ZNF618: variants seen among roughly 807,000 people sequenced by gnomAD.
The protein encoded by ZNF618 is neural precursor cell expressed, developmentally down-regulated 10.
ZNF618 carries 34 observed loss-of-function variants against 103.0 expected under a neutral mutation model. The ratio of observed to expected loss-of-function variants is 0.33; its 90% CI spans 0.25 to 0.44. The LOEUF (loss-of-function observed/expected upper bound fraction) is 0.44, where lower values mean the gene tolerates loss of function less well. ZNF618 is among the 20% of genes least tolerant of loss of function. The probability of loss-of-function intolerance (pLI) is 1.00; values close to 1 mark genes in which losing one functional copy is unlikely to be tolerated. For synonymous variants in ZNF618, 551 were observed against 542.2 expected (o/e 1.02, Z -0.23); for missense variants, 1,059 against 1,295.4 (o/e 0.82, Z 2.80).
intron 4 of ZNF618, 78 bp from the exon 5 acceptor site, chr9:114,001,918 G>C: frequency 8.1e-7 from 1 of 1,240,204 alleles, no homozygotes; most frequent in Non-Finnish European, 1.2e-6. Flanking sequence ...AGCCACACTT[G>C]TAGGCATCGC....
chr9:113,931,476 G>A (rs1181092094), intron 1 of ZNF618, among the ~76,000 whole-genome samples: 2 of 152,236 alleles, frequency 1.3e-5, no homozygotes, highest in Admixed American at 1.3e-4. Flanking sequence ...GAGAGATGAG[G>A]CTTGCGACTC....
At chr9:113,914,628 T>C (rs965552966) in intron 1 of ZNF618, among the ~76,000 whole-genome samples, 1 of 152,246 alleles carries the variant, frequency 6.6e-6, no homozygotes, top group African/African-American at 2.4e-5. Flanking sequence ...GGAATCATTC[T>C]ATTTTTAAGC....
intron 1 of ZNF618, among the ~76,000 whole-genome samples, chr9:113,889,824 C>T: frequency 6.6e-6 from 1 of 152,178 alleles, no homozygotes; most frequent in East Asian, 1.9e-4. Flanking sequence ...TCCCAATCAC[C>T]TAACACATTT....
At chr9:113,882,242 T>TC (rs1828596806) in intron 1 of ZNF618, among the ~76,000 whole-genome samples, 1 of 152,184 alleles carries the variant, frequency 6.6e-6, no homozygotes, top group Non-Finnish European at 1.5e-5. Flanking sequence ...GGGTTTGAGG[T>TC]CTGCCAGACC....
intron 2 of ZNF618, among the ~76,000 whole-genome samples, chr9:113,983,072 C>T (rs1293850862): frequency 5.3e-5 from 8 of 152,090 alleles, no homozygotes; most frequent in African/African-American, 1.4e-4. Flanking sequence ...TATTTTACAG[C>T]GACACAAATA....
At chr9:114,034,875 T>C (rs1172635122) in intron 12 of ZNF618, among the ~76,000 whole-genome samples, 1 of 152,176 alleles carries the variant, frequency 6.6e-6, no homozygotes, top group Non-Finnish European at 1.5e-5. Flanking sequence ...TGAGCTGCCA[T>C]GCAAGGATGT....
At chr9:114,004,146 C>T (rs932712712) in intron 6 of ZNF618, among the ~76,000 whole-genome samples, 26 of 152,234 alleles carry the variant, frequency 1.7e-4, no homozygotes, top group Non-Finnish European at 8.8e-5. Flanking sequence ...AGGATTGTAA[C>T]TGGCCTGGGT....
intron 1 of ZNF618, among the ~76,000 whole-genome samples, chr9:113,883,863 C>A (rs146957635): frequency 6.6e-6 from 1 of 151,202 alleles, no homozygotes; most frequent in Admixed American, 6.6e-5. Flanking sequence ...GTTATAAAAT[C>A]GATGGTGCAT....
intron 10 of ZNF618, among the ~76,000 whole-genome samples, chr9:114,021,344 A>T (rs2134027947): frequency 6.6e-6 from 1 of 152,222 alleles, no homozygotes; most frequent in East Asian, 1.9e-4. Flanking sequence ...TTACTTAACG[A>T]TCCAAGGTTA....
intron 13 of ZNF618, among the ~76,000 whole-genome samples, chr9:114,040,228 T>C (rs1385215069): frequency 3.3e-5 from 5 of 152,166 alleles, no homozygotes; most frequent in South Asian, 2.1e-4. Flanking sequence ...ACCCAGAGAG[T>C]TGAAGTAGCC....
intron 6 of ZNF618, among the ~76,000 whole-genome samples, chr9:114,003,133 C>A (rs904787859): frequency 1.3e-4 from 20 of 152,248 alleles, no homozygotes; most frequent in African/African-American, 4.6e-4. Flanking sequence ...TGAGCCCCCA[C>A]AGCCAGGGGC....
intron 12 of ZNF618, among the ~76,000 whole-genome samples, chr9:114,035,549 G>A (rs886393612): frequency 4.6e-5 from 7 of 152,058 alleles, no homozygotes; most frequent in Admixed American, 2.0e-4. Flanking sequence ...CATCGCAGCC[G>A]TCTTTTTCTT....
At position 114,050,461 on chromosome 9, in the gene ZNF618, CA is replaced by C; in HGVS notation, c.*295del. 3.3e-6 allele frequency: 1 copy of C among 307,372 alleles called. No homozygotes were observed. Among genetic ancestry groups the C allele is most frequent in the Non-Finnish European group, 6.0e-6 (1 of 167,412 alleles). The allele number at this position is 307,372 out of a possible 1,614,324, so 19.0% of individuals were successfully genotyped here. ...ACACACGCACACACACACACACACA[CA>C]CACACACACACACGACCCTGGTGCG... On this transcript the variant is annotated 3_prime_UTR_variant, in exon 15 of 15. Transcript: ENST00000374126.
chr9:113,894,692 C>G (rs752302979), intron 1 of ZNF618, among the ~76,000 whole-genome samples: 3 of 151,894 alleles, frequency 2.0e-5, no homozygotes, highest in Non-Finnish European at 2.9e-5. Context: ...AAGTTTATTC[C>G]TAGATATTTG....
intron 3 of ZNF618, among the ~76,000 whole-genome samples, chr9:113,993,933 G>A (rs1840313456): frequency 6.6e-6 from 1 of 152,220 alleles, no homozygotes; most frequent in African/African-American, 2.4e-5. Context: ...TGTGATCATG[G>A]GAACTGTTTG....
intron 10 of ZNF618, among the ~76,000 whole-genome samples, chr9:114,025,768 C>T (rs1486817442): frequency 6.6e-6 from 1 of 152,132 alleles, no homozygotes; most frequent in Non-Finnish European, 1.5e-5. Flanking sequence ...TGTCAGATAG[C>T]TTCATGGTAC....
At position 114,050,741 on chromosome 9, in the gene ZNF618, C is replaced by T. The variant is rs1289200045; in HGVS notation, c.*574C>T. The T allele has an allele frequency of 6.5e-6, 1 of 153,624 alleles. No individual in the cohort carries two copies. Among genetic ancestry groups the T allele is most frequent in the Non-Finnish European group, 1.5e-5 (1 of 68,774 alleles). 9.5% of individuals were successfully genotyped at this position (153,624 alleles called of 1,614,324 possible). Reference sequence around the variant, plus strand: ...CCCTCTTTGACCCTCTTCCAGCCCTCCTACCCTCCTGATCCCATTGTGCAC... The same window carrying T: ...CCCTCTTTGACCCTCTTCCAGCCCTTCTACCCTCCTGATCCCATTGTGCAC... On this transcript the variant is annotated 3_prime_UTR_variant, in exon 15 of 15. Transcript: ENST00000374126.
At chr9:114,028,461 C>A in intron 10 of ZNF618, 1 of 484,598 alleles carries the variant, frequency 2.1e-6, no homozygotes, top group East Asian at 3.3e-5. Flanking sequence ...AAGAGCCAGT[C>A]AGTCCAGAGA....
intron 1 of ZNF618, among the ~76,000 whole-genome samples, chr9:113,912,932 G>C (rs1303902745): frequency 2.0e-5 from 3 of 152,072 alleles, no homozygotes; most frequent in Admixed American, 2.0e-4. Context: ...GGAACCTTGG[G>C]CCTTCAAGAA....
Sources: gnomAD v4.1 joint callset for allele counts (sites outside exome capture counted in the v4.1 genomes callset) on GRCh38, gnomAD v4.1.1 for gene constraint, MANE v1.5 for transcripts, NCBI Gene and HGNC (gene_info 2026-07-23, HGNC 2026-07-21) for gene names.